NUP160: variants seen among roughly 807,000 people sequenced by gnomAD.
NUP160 encodes nuclear pore complex protein Nup160.
Under a neutral mutation model 196.9 loss-of-function variants are expected in NUP160, and 94 were observed. The observed-to-expected ratio is 0.48, with a 90% CI of 0.40 to 0.57. The LOEUF is 0.57. Ranked by LOEUF, NUP160 falls within the 20% of genes least tolerant of loss-of-function variation. The pLI is 0.00. For synonymous variants in NUP160, 605 were observed against 619.7 expected (o/e 0.98, Z 0.35); for missense variants, 1,638 against 1,748.3 (o/e 0.94, Z 1.13).
At chr11:47,780,174 G>GT (rs2097659844) in intron 35 of NUP160, among the ~76,000 whole-genome samples, 169 bp downstream of exon 35, 1 of 152,156 alleles carries the variant, frequency 6.6e-6, no homozygotes, top group Non-Finnish European at 1.5e-5. Context: ...TCTTGATCCT[G>GT]TTACTTAGAT....
At chr11:47,826,629 C>G (rs1851973487) in intron 7 of NUP160, among the ~76,000 whole-genome samples, 1 of 148,138 alleles carries the variant, frequency 6.8e-6, no homozygotes, top group African/African-American at 2.5e-5. Flanking sequence ...ATGGCACAAT[C>G]TCCGCTCACT....
chr11:47,785,399 G>C (rs1404638140), intron 32 of NUP160, among the ~76,000 whole-genome samples: 1 of 152,058 alleles, frequency 6.6e-6, no homozygotes, highest in Non-Finnish European at 1.5e-5. Flanking sequence ...CCTAAGTGTT[G>C]GGATTACAGG....
intron 4 of NUP160, 61 bp downstream of exon 4, chr11:47,839,782 A>G: frequency 7.3e-7 from 1 of 1,367,330 alleles, no homozygotes; most frequent in Admixed American, 1.7e-5. Context: ...ACGAGGTTGA[A>G]CTGTTTCAAT....
At position 47,822,208 on chromosome 11, in the gene NUP160, CAT is replaced by C. The variant is rs1218415137; in HGVS notation, c.1102-46_1102-45del. ...ATCATTTATTACCTGAAATAATCAA[CAT>C]GTTACTTTTCGAAGCAAGGGCTATT... On this transcript the variant is annotated intron_variant, in intron 7 of 35. Coordinates refer to ENST00000378460, the Ensembl canonical transcript of NUP160. The C allele has an allele frequency of 5.9e-6, 8 of 1,360,402 alleles. No individual in the cohort carries two copies. In the African/African-American group the frequency reaches 8.7e-5, roughly 15 times the overall value. The allele number at this position is 1,360,402 out of a possible 1,614,324, so 84.3% of individuals were successfully genotyped here. A position where few individuals can be genotyped will look rare whatever the true frequency, so the allele number is the denominator to read the frequency against.
intron 10 of NUP160, among the ~76,000 whole-genome samples, chr11:47,818,971 A>G (rs1233700573): frequency 6.6e-6 from 1 of 152,098 alleles, no homozygotes; most frequent in Non-Finnish European, 1.5e-5. Flanking sequence ...TGTAATACTA[A>G]GGCATCAACT....
exon 18 of NUP160, chr11:47,808,466 G>A: frequency 6.2e-7 from 1 of 1,613,928 alleles, no homozygotes; most frequent in East Asian, 2.2e-5. Context: ...GATAAGAGTA[G>A]GGGAGCTGTT....
At chr11:47,788,884 T>A (rs1312390210) in intron 29 of NUP160, among the ~76,000 whole-genome samples, 2 of 152,080 alleles carry the variant, frequency 1.3e-5, no homozygotes, top group Non-Finnish European at 2.9e-5. Context: ...AACTTTTTTT[T>A]TTTTTTTTAA....
At position 47,784,255 on chromosome 11, in the gene NUP160, G is replaced by A. The variant is rs79349300; in HGVS notation, c.3990+667C>T. Among the ~76,000 whole-genome samples, 1,481 of 152,260 alleles carry A rather than the reference G, an allele frequency of 9.7e-3. 28 individuals are homozygous for A. The highest frequency in any genetic ancestry group is 0.034 in the African/African-American group (1,418 of 41,546). ...GTCTAGGATGAGGAATCTGTATTTTGAAGAAGACTGCCATCTGAATAATTC... is the reference window on the plus strand; with the variant it reads ...GTCTAGGATGAGGAATCTGTATTTTAAAGAAGACTGCCATCTGAATAATTC... On this transcript the variant is annotated intron_variant, in intron 33 of 35. Coordinates refer to ENST00000378460, the Ensembl canonical transcript of NUP160.
At chr11:47,802,190 C>T (rs1337796900) in intron 22 of NUP160, among the ~76,000 whole-genome samples, 3 of 152,028 alleles carry the variant, frequency 2.0e-5, no homozygotes, top group Admixed American at 1.3e-4. Flanking sequence ...CCCAGCACTT[C>T]GGGAGGCTGA....
At chr11:47,820,677 G>C (rs571472162) in intron 9 of NUP160, among the ~76,000 whole-genome samples, 5 of 152,148 alleles carry the variant, frequency 3.3e-5, no homozygotes, top group Non-Finnish European at 5.9e-5. Flanking sequence ...TCAGCCTCCT[G>C]AGTAGCTGGG....
At chr11:47,798,862 C>T (rs911470809) in intron 23 of NUP160, among the ~76,000 whole-genome samples, 3 of 150,068 alleles carry the variant, frequency 2.0e-5, no homozygotes, top group East Asian at 2.0e-4. Flanking sequence ...GTAGTCTCTC[C>T]GTAAATACTT....
chr11:47,806,874 CAT>C lies in NUP160; in HGVS notation c.2446+194_2446+195del, dbSNP rs1338932290. Among the ~76,000 whole-genome samples the C allele has an allele frequency of 6.8e-5, 10 of 147,362 alleles. No homozygotes were observed. The East Asian group carries it at 2.0e-3, about 30-fold the overall frequency. ...ACACATATATATACCATATCCTTAACATATGCCTGATCTGGTACTACAGTTTC... is the reference window on the plus strand; with the variant it reads ...ACACATATATATACCATATCCTTAACATGCCTGATCTGGTACTACAGTTTC... On this transcript the variant is annotated intron_variant, in intron 19 of 35. Transcript: ENST00000378460.
rs1240477817 is a variant in NUP160, at chr11:47,792,008, G to A, written c.3451-18C>T. ...CGATCATACTGATAAAACAAAACAA[G>A]CAATTTAACTGTGAAAATCAGTATT... On this transcript the variant is annotated intron_variant, in intron 28 of 35. Coordinates refer to ENST00000378460, the Ensembl canonical transcript of NUP160. 6.4e-7 allele frequency: 1 copy of A among 1,561,904 alleles called. No homozygotes were observed. The highest frequency in any genetic ancestry group is 1.1e-5 in the South Asian group (1 of 87,760).
intron 7 of NUP160, among the ~76,000 whole-genome samples, chr11:47,823,282 C>G (rs1851900831): frequency 6.6e-6 from 1 of 152,110 alleles, no homozygotes; most frequent in Non-Finnish European, 1.5e-5. Context: ...TGTTGTACAA[C>G]CAATCTATAG....
rs1852157372 is a variant in NUP160 at position 47,835,648 on chromosome 11, T to C, written c.1101+3A>G. On this transcript the variant is annotated splice_donor_region_variant and intron_variant, in intron 7 of 35. Transcript: ENST00000378460. Reference sequence around the variant, plus strand: ...CTTGGTATGTGTCTTATTTGTTTCATACCTGTCCTCGTTTTGGTGCATGCA... The same window carrying C: ...CTTGGTATGTGTCTTATTTGTTTCACACCTGTCCTCGTTTTGGTGCATGCA... The C allele has an allele frequency of 2.5e-6, 4 of 1,570,882 alleles. No homozygotes were observed. The highest frequency in any genetic ancestry group is 3.5e-6 in the Non-Finnish European group (4 of 1,159,370).
exon 36 of NUP160, chr11:47,778,846 A>C (rs1219602703): frequency 3.3e-6 from 1 of 302,230 alleles, no homozygotes; most frequent in African/African-American, 2.2e-5. Flanking sequence ...AAAAAATATA[A>C]ACTCTAAAAA....
intron 31 of NUP160, 111 bp downstream of exon 31, chr11:47,788,071 A>G (rs2135345964): frequency 1.1e-6 from 1 of 948,434 alleles, no homozygotes; most frequent in Non-Finnish European, 1.6e-6. Context: ...ACACTTCTTC[A>G]AATCATAAAT....
At chr11:47,848,161 CCATG>C in intron 1 of NUP160, 54 bp downstream of exon 1, 5 of 1,578,620 alleles carry the variant, frequency 3.2e-6, no homozygotes, top group Non-Finnish European at 4.4e-6. Context: ...ACCCTGGGAC[CCATG>C]AGAGGAGCCC....
chr11:47,835,209 C>T (rs182914150), intron 7 of NUP160, among the ~76,000 whole-genome samples: 68 of 152,208 alleles, frequency 4.5e-4, no homozygotes, highest in African/African-American at 1.6e-3. Flanking sequence ...AAGGGACTGG[C>T]ACAGCACCAA....
Sources: allele counts gnomAD v4.1 joint callset (sites outside exome capture counted in the v4.1 genomes callset), GRCh38; gene constraint gnomAD v4.1.1; transcripts MANE v1.5; gene names NCBI Gene and HGNC (gene_info 2026-07-23, HGNC 2026-07-21).